The following DEDD2 variants were observed in gnomAD, a reference collection of about 807,000 sequenced individuals.
DEDD2 encodes DNA-binding death effector domain-containing protein 2.
A neutral mutation model predicts 28.9 loss-of-function variants in DEDD2; 18 were observed. The observed-to-expected ratio is 0.62, with a 90% CI of 0.43 to 0.92. The LOEUF is 0.92. Ranked by LOEUF, DEDD2 falls within the 40% of genes least tolerant of loss-of-function variation. The pLI is 0.00. For missense variants in DEDD2, 411 were observed against 463.3 expected (o/e 0.89, Z 1.04); for synonymous variants, 211 against 206.1 (o/e 1.02, Z -0.20).
upstream of DEDD2, among the ~76,000 whole-genome samples, chr19:42,218,996 G>A (rs115423388): frequency 4.9e-3 from 743 of 151,808 alleles, 6 homozygotes; most frequent in African/African-American, 0.017. Flanking sequence ...GCCACAGGGC[G>A]AGACTTTGTC....
At position 42,209,750 on chromosome 19, in the gene DEDD2, T is replaced by C. The variant is rs778161376; in HGVS notation, c.539A>G (p.Gln180Arg). 2 of 1,606,540 alleles carry C rather than the reference T, an allele frequency of 1.2e-6. No homozygotes were observed. Among genetic ancestry groups the C allele is most frequent in the African/African-American group, 1.3e-5 (1 of 74,256 alleles). The change falls in exon 4 of 5, where the codon CAG becomes CGG. Residue 180 changes from glutamine (Q) to arginine (R), a missense_variant. Physicochemically the swap from Gln to Arg is conservative, Grantham distance 43. Coordinates refer to ENST00000596251, the MANE Select transcript of DEDD2 (RefSeq NM_133328.4). ...RRRRGAPAAP[Q>R]QQSEPARPSS... The stretch of plus-strand genomic sequence containing the variant: ...AGGTCTGGCGGGCTCTGACTGCTGC[T>C]GGGGTGCGGCTGGGGCCCCTCTCCG...
Position 42,199,467 on chromosome 19 carries a change from C to G in DEDD2, c.952G>C (p.Gly318Arg). 1 of 1,610,480 alleles carries G rather than the reference C, an allele frequency of 6.2e-7. No individual in the cohort carries two copies. The highest frequency in any genetic ancestry group is 8.5e-7 in the Non-Finnish European group (1 of 1,178,648). ...RRRLLLMEEE[G>R]GRRPTEAS Reference sequence around the variant, plus strand: ...GAGGCCTCTGTCGGGCGCCGCCCCCCTTCCTCCTCCATCAGCAACAGGCGG... The same window carrying G: ...GAGGCCTCTGTCGGGCGCCGCCCCCGTTCCTCCTCCATCAGCAACAGGCGG... Residue 318 changes from glycine (G) to arginine (R), a missense_variant, in exon 5 of 5, where the codon GGG becomes CGG. Transcript: ENST00000596251. This position sits in a 1 kb window ranked among gnomAD's most constrained non-coding sequence, Gnocchi z 7.4.
Position 42,209,584 on chromosome 19 carries a change from G to C in DEDD2, c.589+116C>G, listed in dbSNP as rs569044466. The C allele has an allele frequency of 6.6e-5, 92 of 1,403,006 alleles. No homozygotes were observed. In the African/African-American group the frequency reaches 1.2e-3, roughly 19 times the overall value. The allele number at this position is 1,403,006 out of a possible 1,614,324, so 86.9% of individuals were successfully genotyped here. On this transcript the variant is annotated intron_variant, in intron 4 of 4. Coordinates refer to ENST00000596251, the MANE Select transcript of DEDD2 (RefSeq NM_133328.4). ...ACAAGAATTCCACTGTGGTGAACGA[G>C]AGCTGACACCCATCTGCCAAGTGTG...
chr19:42,202,703 C>A (rs1437600225), intron 4 of DEDD2, among the ~76,000 whole-genome samples: 2 of 152,246 alleles, frequency 1.3e-5, no homozygotes, highest in Non-Finnish European at 2.9e-5. Context: ...AGGCTCTACT[C>A]AAGGGCTTTC....
Position 42,199,845 on chromosome 19 carries a change from G to T in DEDD2, c.590-16C>A, listed in dbSNP as rs751968083. On this transcript the variant is annotated splice_polypyrimidine_tract_variant and intron_variant, in intron 4 of 4. Coordinates refer to ENST00000596251, the MANE Select transcript of DEDD2 (RefSeq NM_133328.4). This position sits in a 1 kb window ranked among gnomAD's most constrained non-coding sequence, Gnocchi z 7.4. ...AGCCGGATGTCTGCAGGGGAAGGAGGGATTTGTCAGGGAGGGGGCCAACAC... is the reference window on the plus strand; with the variant it reads ...AGCCGGATGTCTGCAGGGGAAGGAGTGATTTGTCAGGGAGGGGGCCAACAC... 11 of 1,570,432 alleles carry T rather than the reference G, an allele frequency of 7.0e-6. No homozygotes were observed. The African/African-American group carries it at 1.1e-4, about 15-fold the overall frequency.
chr19:42,199,322 C>G lies in DEDD2; in HGVS notation c.*116G>C. The G allele has an allele frequency of 1.4e-6, 2 of 1,387,644 alleles. No individual in the cohort carries two copies. The highest frequency in any genetic ancestry group is 1.9e-6 in the Non-Finnish European group (2 of 1,056,046). 86.0% of individuals were successfully genotyped at this position (1,387,644 alleles called of 1,614,324 possible). ...TGTCAAGGGGCCTGCTGTCCCGGTC[C>G]TGTCGCAGTCCTCAAAGATGCTAGA... On this transcript the variant is annotated 3_prime_UTR_variant, in exon 5 of 5. Coordinates refer to ENST00000596251, the MANE Select transcript of DEDD2 (RefSeq NM_133328.4). This position sits in a 1 kb window ranked among gnomAD's most constrained non-coding sequence, Gnocchi z 7.4.
upstream of DEDD2, among the ~76,000 whole-genome samples, chr19:42,218,771 G>A (rs1334469608): frequency 6.6e-6 from 1 of 152,240 alleles, no homozygotes; most frequent in African/African-American, 2.4e-5. Flanking sequence ...GGTAGCTCAC[G>A]TCTGTAATCC....
upstream of DEDD2, chr19:42,217,703 CTAT>C (rs746442867): frequency 6.5e-6 from 1 of 152,680 alleles, no homozygotes; most frequent in African/African-American, 2.4e-5. Context: ...GGCACCTTCT[CTAT>C]TATTACGCCT....
At chr19:42,206,217 T>A (rs1050226101) in intron 4 of DEDD2, among the ~76,000 whole-genome samples, 4 of 150,138 alleles carry the variant, frequency 2.7e-5, no homozygotes, top group African/African-American at 9.8e-5. Context: ...TGGTTCCCTC[T>A]CCCGCCCTCA....
At chr19:42,209,869 G>A (rs944759303) in intron 3 of DEDD2, 29 bp from the exon 4 acceptor site, 7 of 1,503,210 alleles carry the variant, frequency 4.7e-6, no homozygotes, top group East Asian at 2.5e-5. Context: ...GGCAAGTTGA[G>A]GACCAGGATG....
In DEDD2 at chr19:42,216,760, A is replaced by T; in HGVS notation, c.248T>A (p.Leu83Gln). The change falls in exon 2 of 5, where the codon CTG becomes CAG. Residue 83 changes from leucine to glutamine, a missense_variant. Around this residue, in one of 2 missense-constraint regions of DEDD2, gnomAD observed 282 missense variants for 273.4 expected, o/e 1.03. Coordinates refer to ENST00000596251, the MANE Select transcript of DEDD2 (RefSeq NM_133328.4). Reference protein sequence around the residue: ...ERRGQCDESNLRLLGQLLRVL... With the variant: ...ERRGQCDESNQRLLGQLLRVL... ...GCGCAGGAGTTGCCCCAGCAGCCGCAGGTTGCTCTCGTCGCACTGCCCGCG... is the reference window on the plus strand; with the variant it reads ...GCGCAGGAGTTGCCCCAGCAGCCGCTGGTTGCTCTCGTCGCACTGCCCGCG... 6.3e-7 allele frequency: 1 copy of T among 1,593,758 alleles called. No individual in the cohort carries two copies. The highest frequency in any genetic ancestry group is 8.5e-7 in the Non-Finnish European group (1 of 1,171,074).
intron 3 of DEDD2, among the ~76,000 whole-genome samples, 196 bp downstream of exon 3, chr19:42,214,937 G>A (rs926805135): frequency 3.3e-5 from 5 of 151,760 alleles, no homozygotes; most frequent in African/African-American, 7.3e-5. Context: ...CCATTTAAAC[G>A]AAACACGAAA....
intron 4 of DEDD2, among the ~76,000 whole-genome samples, chr19:42,201,508 G>A (rs1297446149): frequency 2.0e-5 from 3 of 152,254 alleles, no homozygotes; most frequent in Non-Finnish European, 4.4e-5. Flanking sequence ...GGATGCAGTA[G>A]AATCAGCCCT....
At chr19:42,205,430 G>C (rs547149541) in intron 4 of DEDD2, among the ~76,000 whole-genome samples, 1 of 152,036 alleles carries the variant, frequency 6.6e-6, no homozygotes, top group Non-Finnish European at 1.5e-5. Context: ...GGGAGTTCGA[G>C]ACCAGCCTGA....
chr19:42,199,319 G>C lies in DEDD2; in HGVS notation c.*119C>G. On this transcript the variant is annotated 3_prime_UTR_variant, in exon 5 of 5. Coordinates refer to ENST00000596251, the MANE Select transcript of DEDD2 (RefSeq NM_133328.4). The surrounding 1 kb of genome is among the most constrained non-coding windows in gnomAD (Gnocchi z 7.4). ...GGCTGTCAAGGGGCCTGCTGTCCCG[G>C]TCCTGTCGCAGTCCTCAAAGATGCT... The C allele has an allele frequency of 7.3e-7, 1 of 1,376,670 alleles. No homozygotes were observed. Among genetic ancestry groups the C allele is most frequent in the Non-Finnish European group, 9.6e-7 (1 of 1,046,326 alleles). The allele number at this position is 1,376,670 out of a possible 1,614,324, so 85.3% of individuals were successfully genotyped here.
intron 4 of DEDD2, among the ~76,000 whole-genome samples, chr19:42,206,718 C>G (rs953105243): frequency 5.9e-5 from 9 of 152,252 alleles, no homozygotes; most frequent in Admixed American, 4.6e-4. Context: ...CTCAGGCAGT[C>G]GAGAGTTTGT....
rs1351700930 is a variant in DEDD2 at position 42,199,797 on chromosome 19, C to T, written c.622G>A (p.Glu208Lys). ...CCCTGCTCCAAGGCTGGCCCATGCT[C>T]GCAGTACTCTGCTCGAACCCGGAGC... is the stretch of plus-strand genomic sequence containing the variant. ...IRLRVRAEYC[E>K]HGPALEQGVA... The change falls in exon 5 of 5, where the codon GAG becomes AAG. Residue 208 changes from glutamate to lysine, a missense_variant. Physicochemically the swap from Glu to Lys is moderately conservative, Grantham distance 56. Transcript: ENST00000596251. This position sits in a 1 kb window ranked among gnomAD's most constrained non-coding sequence, Gnocchi z 7.4. 3.1e-6 allele frequency: 5 copies of T among 1,603,728 alleles called. No homozygotes were observed. Among genetic ancestry groups the T allele is most frequent in the East Asian group, 2.3e-5 (1 of 44,200 alleles).
intron 3 of DEDD2, among the ~76,000 whole-genome samples, chr19:42,211,262 G>A (rs1461519814): frequency 3.9e-5 from 6 of 152,004 alleles, no homozygotes; most frequent in South Asian, 2.1e-4. Context: ...GCACGTGCCT[G>A]TAGTCCCAGC....
chr19:42,205,796 T>C (rs2035509689), intron 4 of DEDD2, among the ~76,000 whole-genome samples: 1 of 151,900 alleles, frequency 6.6e-6, no homozygotes, highest in Non-Finnish European at 1.5e-5. Context: ...ATAGAAAAAA[T>C]TGCAGGGGCC....
Sources: allele counts gnomAD v4.1 joint callset (sites outside exome capture counted in the v4.1 genomes callset), GRCh38; gene constraint gnomAD v4.1.1; regional missense constraint gnomAD v4.1.1; non-coding constraint Gnocchi (gnomAD v3.1); transcripts MANE v1.5; gene names NCBI Gene and HGNC (gene_info 2026-07-23, HGNC 2026-07-21).